Variants in GULP1 observed in about 807,000 individuals in gnomAD.
GULP1 encodes the protein GULP PTB domain containing engulfment adaptor 1.
Under a neutral mutation model 40.9 loss-of-function variants are expected in GULP1, and 19 were observed. The ratio of observed to expected loss-of-function variants is 0.46; its 90% CI spans 0.32 to 0.68. The LOEUF (loss-of-function observed/expected upper bound fraction) is 0.68. Among genes scored for constraint, GULP1 ranks in the 30% least tolerant of loss-of-function variants. The probability of loss-of-function intolerance (pLI) is 0.03; values close to 1 mark genes in which losing one functional copy is unlikely to be tolerated. For missense variants in GULP1, 312 were observed against 362.2 expected (o/e 0.86, Z 1.12); for synonymous variants, 119 against 117.6 (o/e 1.01, Z -0.08).
At chr2:188,329,223 A>G (rs1463503008) in intron 1 of GULP1, among the ~76,000 whole-genome samples, 1 of 151,546 alleles carries the variant, frequency 6.6e-6, no homozygotes, top group African/African-American at 2.4e-5. Context: ...TATTATTACC[A>G]TGCCAATGGT....
At chr2:188,347,732 T>C (rs1320707183) in intron 1 of GULP1, among the ~76,000 whole-genome samples, 1 of 151,688 alleles carries the variant, frequency 6.6e-6, no homozygotes, top group African/African-American at 2.4e-5. Context: ...TCCCACCTCA[T>C]ACTCTTGAAT....
At chr2:188,579,384 A>AT (rs961172496) in intron 9 of GULP1, among the ~76,000 whole-genome samples, 3 of 151,890 alleles carry the variant, frequency 2.0e-5, no homozygotes, top group Non-Finnish European at 2.9e-5. Context: ...ATATTAATTT[A>AT]TTTTTAATTT....
intron 1 of GULP1, among the ~76,000 whole-genome samples, chr2:188,330,708 A>T (rs945516519): frequency 2.8e-4 from 43 of 152,202 alleles, no homozygotes; most frequent in African/African-American, 1.0e-3. Flanking sequence ...GATTTCTAGA[A>T]TATTTTGTCA....
intron 7 of GULP1, among the ~76,000 whole-genome samples, chr2:188,567,095 C>T (rs1697898824): frequency 1.3e-5 from 2 of 151,966 alleles, no homozygotes; most frequent in South Asian, 4.1e-4. Flanking sequence ...CATCTCACAC[C>T]AGTCAGAAGG....
chr2:188,483,243 C>T (rs536934600), intron 3 of GULP1, among the ~76,000 whole-genome samples, 188 bp from the exon 4 acceptor site: 2 of 151,706 alleles, frequency 1.3e-5, no homozygotes, highest in Non-Finnish European at 2.9e-5. Context: ...ATTTTTATAC[C>T]AAAGAAAGAA....
intron 1 of GULP1, among the ~76,000 whole-genome samples, chr2:188,372,911 T>A (rs1331257212): frequency 1.4e-5 from 2 of 145,378 alleles, no homozygotes; most frequent in African/African-American, 5.7e-5. Context: ...ATTTTTAAAG[T>A]TTTGTTAGGA....
At chr2:188,379,287 A>G (rs1179693839) in intron 1 of GULP1, among the ~76,000 whole-genome samples, 1 of 152,116 alleles carries the variant, frequency 6.6e-6, no homozygotes, top group Non-Finnish European at 1.5e-5. Context: ...CGCTTTTTTC[A>G]TTACCATACT....
chr2:188,456,611 G>T (rs535540053), intron 2 of GULP1, among the ~76,000 whole-genome samples: 1 of 152,322 alleles, frequency 6.6e-6, no homozygotes, highest in South Asian at 2.1e-4. Context: ...CAGGGGTGGG[G>T]TCATCATGGA....
rs1268375613 is a variant in GULP1 at position 188,292,508 on chromosome 2, T to G, written c.-172+342T>G. ...ACCTCCTTAGCCTTTTGTGGTAACTTTGGTCCGGCGGCGGGGGGCCGGTGA... is the reference window on the plus strand; with the variant it reads ...ACCTCCTTAGCCTTTTGTGGTAACTGTGGTCCGGCGGCGGGGGGCCGGTGA... On this transcript the variant is annotated intron_variant, in intron 1 of 11. Transcript: ENST00000409830. This position sits in a 1 kb window ranked among gnomAD's most constrained non-coding sequence, Gnocchi z 4.0. 6.6e-6 allele frequency among the ~76,000 whole-genome samples: 1 copy of G among 151,952 alleles called. No homozygotes were observed. The highest frequency in any genetic ancestry group is 1.5e-5 in the Non-Finnish European group (1 of 67,936).
chr2:188,487,267 A>G (rs927796094), intron 4 of GULP1, among the ~76,000 whole-genome samples: 1 of 152,018 alleles, frequency 6.6e-6, no homozygotes, highest in Non-Finnish European at 1.5e-5. Flanking sequence ...TCTAAAATGT[A>G]TAATTATCCC....
intron 6 of GULP1, among the ~76,000 whole-genome samples, chr2:188,529,748 G>C (rs1384038630): frequency 6.6e-6 from 1 of 152,092 alleles, no homozygotes; most frequent in African/African-American, 2.4e-5. Flanking sequence ...CTGCCCTCTT[G>C]CTGCCTTTTC....
chr2:188,542,507 A>G (rs1474059050), intron 7 of GULP1, among the ~76,000 whole-genome samples: 1 of 152,172 alleles, frequency 6.6e-6, no homozygotes, highest in African/African-American at 2.4e-5. Context: ...CAAAAAATAG[A>G]GCAAGTTTTT....
chr2:188,317,454 G>A (rs1343760050), intron 1 of GULP1, among the ~76,000 whole-genome samples: 1 of 152,100 alleles, frequency 6.6e-6, no homozygotes, highest in Admixed American at 6.6e-5. Context: ...AATATATTTA[G>A]TATAATTTAA....
At chr2:188,400,270 A>T (rs768612403) in intron 2 of GULP1, among the ~76,000 whole-genome samples, 1 of 152,184 alleles carries the variant, frequency 6.6e-6, no homozygotes, top group Admixed American at 6.5e-5. Flanking sequence ...TCTTATAAAC[A>T]TATCAGTCAT....
Position 188,584,383 on chromosome 2 carries a change from C to G in GULP1, c.728C>G (p.Pro243Arg), listed in dbSNP as rs573288972. 1.3e-6 allele frequency: 2 copies of G among 1,598,890 alleles called. No homozygotes were observed. The highest frequency in any genetic ancestry group is 1.7e-6 in the Non-Finnish European group (2 of 1,168,688). ...TRNGTQPPPV[P>R]SRSTEIKRDL... Reference sequence around the variant, plus strand: ...AATGGCACACAGCCACCTCCAGTACCTAGTAGATCTACTGAGATTAGTAAG... The same window carrying G: ...AATGGCACACAGCCACCTCCAGTACGTAGTAGATCTACTGAGATTAGTAAG... The change falls in exon 10 of 12, where the codon CCT (proline) becomes CGT (arginine). Residue 243 changes from proline to arginine, a missense_variant. Coordinates refer to ENST00000409830, the MANE Select transcript of GULP1 (RefSeq NM_016315.4).
At chr2:188,539,278 T>C (rs1689800348) in intron 6 of GULP1, among the ~76,000 whole-genome samples, 1 of 152,158 alleles carries the variant, frequency 6.6e-6, no homozygotes, top group African/African-American at 2.4e-5. Context: ...ATATTTTCTC[T>C]TTATTTATCA....
In GULP1 at chr2:188,592,020, C is replaced by A. The variant is rs192247807; in HGVS notation, c.844-1920C>A. 275 of 151,792 alleles carry A rather than the reference C, an allele frequency of 1.8e-3. 2 individuals are homozygous for A. The highest frequency in any genetic ancestry group is 6.2e-3 in the African/African-American group (256 of 41,476). The allele number at this position is 151,792 out of a possible 1,614,324, so 9.4% of individuals were successfully genotyped here. On this transcript the variant is annotated intron_variant, in intron 11 of 11. Coordinates refer to ENST00000409830, the MANE Select transcript of GULP1 (RefSeq NM_016315.4). ...CTGAGGAAGAAAGAAAATCAAGAAA[C>A]CTTATAATATGTAAGGATCCTTAAA...
rs376024527 is a variant in GULP1, at chr2:188,584,288, G to A, written c.633G>A (p.Ser211=). 88 of 1,606,350 alleles carry A rather than the reference G, an allele frequency of 5.5e-5. No individual in the cohort carries two copies. The highest frequency in any genetic ancestry group is 6.3e-5 in the Non-Finnish European group (74 of 1,174,054). ...APPAGSMTPK[S]PSTDIFDMIP... Reference sequence around the variant, plus strand: ...AGGCAGGCAGTATGACACCTAAGTCGCCCTCCACTGACATCTTTGATATGA... The same window carrying A: ...AGGCAGGCAGTATGACACCTAAGTCACCCTCCACTGACATCTTTGATATGA... The change falls in exon 10 of 12, where the codon TCG becomes TCA. Residue 211 remains serine, a synonymous_variant. Transcript: ENST00000409830.
At chr2:188,328,101 A>C (rs1312314792) in intron 1 of GULP1, among the ~76,000 whole-genome samples, 1 of 152,118 alleles carries the variant, frequency 6.6e-6, no homozygotes, top group Non-Finnish European at 1.5e-5. Flanking sequence ...CACCACTTTG[A>C]TCTAGAATTG....
Sources: allele counts gnomAD v4.1 joint callset (sites outside exome capture counted in the v4.1 genomes callset), GRCh38; gene constraint gnomAD v4.1.1; non-coding constraint Gnocchi (gnomAD v3.1); transcripts MANE v1.5; gene names NCBI Gene and HGNC (gene_info 2026-07-23, HGNC 2026-07-21).